The following MID1 variants were observed in gnomAD, a reference collection of about 807,000 sequenced individuals.
MID1 encodes the protein E3 ubiquitin-protein ligase Midline-1.
MID1 carries 7 observed loss-of-function variants against 40.4 expected under a neutral mutation model. The observed-to-expected ratio is 0.17, with a 90% CI of 0.10 to 0.33. The LOEUF is 0.33. MID1 is among the 10% of genes least tolerant of loss of function. The pLI is 1.00. For synonymous variants in MID1, 229 were observed against 221.2 expected (o/e 1.04, Z -0.31); for missense variants, 367 against 558.5 (o/e 0.66, Z 3.46).
chrX:10,805,403 T>C (rs2044037938), intron 1 of MID1, among the ~76,000 whole-genome samples: 1 of 108,108 alleles, frequency 9.3e-6, no homozygotes, highest in Admixed American at 1.0e-4. Context: ...CATGAACTCA[T>C]CCTTTTTTAT....
chrX:10,499,704 G>A (rs1931446086), intron 3 of MID1, among the ~76,000 whole-genome samples: 1 of 112,266 alleles, frequency 8.9e-6, no homozygotes, highest in South Asian at 3.7e-4. Flanking sequence ...TTTCACTGAA[G>A]TGTCTGAGAA....
chrX:10,678,675 G>C (rs1310924334), intron 1 of MID1, among the ~76,000 whole-genome samples: 1 of 111,812 alleles, frequency 8.9e-6, no homozygotes, highest in Non-Finnish European at 1.9e-5. Context: ...TTTAATGAAT[G>C]CCTAAACTTG....
At chrX:10,578,780 G>A (rs904094551) in intron 1 of MID1, among the ~76,000 whole-genome samples, 1 of 111,665 alleles carries the variant, frequency 9.0e-6, no homozygotes, top group Non-Finnish European at 1.9e-5. Context: ...AACCCTCCTG[G>A]TGAACAGACC....
intron 1 of MID1, among the ~76,000 whole-genome samples, chrX:10,753,324 T>G (rs1301483781): frequency 9.0e-6 from 1 of 111,208 alleles, no homozygotes; most frequent in East Asian, 2.8e-4. Flanking sequence ...TTATTCCATC[T>G]GCCTTAAATG....
chrX:10,755,181 A>C (rs1289250787), intron 1 of MID1, among the ~76,000 whole-genome samples: 1 of 112,307 alleles, frequency 8.9e-6, no homozygotes, highest in Non-Finnish European at 1.9e-5. Context: ...AAATAAGCAA[A>C]GTCCAAATTC....
intron 2 of MID1, among the ~76,000 whole-genome samples, chrX:10,560,676 A>G (rs903370881): frequency 9.0e-6 from 1 of 111,302 alleles, no homozygotes; most frequent in African/African-American, 3.3e-5. Context: ...GACGTGAAGG[A>G]CCTCTTCAAG....
chrX:10,777,834 C>G (rs115507554), intron 1 of MID1, among the ~76,000 whole-genome samples: 4,883 of 111,711 alleles, frequency 0.044, 235 homozygotes, highest in African/African-American at 0.15. Flanking sequence ...ACTTTTTTTG[C>G]TTAAAAATGA....
Position 10,765,926 on chromosome X carries a change from AG to A in MID1, c.-187+67627del, listed in dbSNP as rs781646097. 3.0e-3 allele frequency among the ~76,000 whole-genome samples: 270 copies of A among 90,575 alleles called. 3 individuals are homozygous for A. Among genetic ancestry groups the A allele is most frequent in the African/African-American group, 0.012 (241 of 20,136 alleles). 78.7% of individuals were successfully genotyped at this position (90,575 alleles called of 115,157 possible). ...GAAAGAAAAAGAAAGAAAGAAAGAA[AG>A]GAAAGGAAAGGAAAGGAAAGAAAGA... On this transcript the variant is annotated intron_variant, in intron 1 of 10. Transcript: ENST00000380785.
chrX:10,716,075 T>C, intron 1 of MID1, among the ~76,000 whole-genome samples: 1 of 111,156 alleles, frequency 9.0e-6, no homozygotes, highest in Middle Eastern at 4.6e-3. Flanking sequence ...CAAAGGTAGA[T>C]AAAACCACAA....
chrX:10,472,816 A>T (rs1029141619), intron 6 of MID1, among the ~76,000 whole-genome samples: 3 of 112,089 alleles, frequency 2.7e-5, no homozygotes, highest in Non-Finnish European at 5.6e-5. Context: ...AAGGCGGCAG[A>T]GGAGGAAAAA....
intron 1 of MID1, among the ~76,000 whole-genome samples, chrX:10,730,292 C>T (rs1057161236): frequency 7.3e-5 from 8 of 109,628 alleles, no homozygotes; most frequent in South Asian, 3.9e-4. Flanking sequence ...GTAAGTGTAT[C>T]GAAATAAAAA....
At chrX:10,541,257 G>A (rs748703947) in intron 2 of MID1, among the ~76,000 whole-genome samples, 1 of 112,081 alleles carries the variant, frequency 8.9e-6, no homozygotes, top group Non-Finnish European at 1.9e-5. Context: ...ATGTTAGCAG[G>A]TGAAATTAGC....
At chrX:10,691,257 G>C (rs1452566185) in intron 1 of MID1, among the ~76,000 whole-genome samples, 1 of 111,238 alleles carries the variant, frequency 9.0e-6, no homozygotes, top group African/African-American at 3.3e-5. Context: ...TTATTCATGG[G>C]CCAGGTGCAG....
chrX:10,654,906 T>C (rs1459682876), intron 1 of MID1, among the ~76,000 whole-genome samples: 1 of 112,502 alleles, frequency 8.9e-6, no homozygotes, highest in Admixed American at 9.4e-5. Flanking sequence ...GCCTGCTGTA[T>C]ACACTGGTCT....
chrX:10,606,006 C>A (rs980823403), intron 1 of MID1, among the ~76,000 whole-genome samples: 3 of 111,717 alleles, frequency 2.7e-5, no homozygotes, highest in African/African-American at 9.8e-5. Flanking sequence ...GCGTATTTTA[C>A]TGTCAGAGCC....
chrX:10,536,299 GAA>G (rs887790810), intron 2 of MID1, among the ~76,000 whole-genome samples: 3 of 107,137 alleles, frequency 2.8e-5, no homozygotes, highest in Non-Finnish European at 5.8e-5. Context: ...CTTGCCTGGG[GAA>G]AAAAAAAATA....
At chrX:10,701,267 G>C (rs936617394) in intron 1 of MID1, among the ~76,000 whole-genome samples, 4 of 111,771 alleles carry the variant, frequency 3.6e-5, no homozygotes, top group African/African-American at 1.3e-4. Context: ...GCATCTCAAG[G>C]CTGGTAAATA....
intron 1 of MID1, among the ~76,000 whole-genome samples, chrX:10,591,145 G>C (rs1569119787): frequency 8.9e-6 from 1 of 111,986 alleles, no homozygotes; most frequent in Non-Finnish European, 1.9e-5. Flanking sequence ...GAGCTTTCAA[G>C]GTGGCTAAGC....
chrX:10,813,901 A>G (rs745858962), intron 1 of MID1, among the ~76,000 whole-genome samples: 4 of 111,639 alleles, frequency 3.6e-5, no homozygotes, highest in African/African-American at 1.3e-4. Context: ...CAGGTAGTCA[A>G]TGTTTTCCGC....
Sources: gnomAD v4.1 joint callset for allele counts (sites outside exome capture counted in the v4.1 genomes callset) on GRCh38, gnomAD v4.1.1 for gene constraint, MANE v1.5 for transcripts, NCBI Gene and HGNC (gene_info 2026-07-23, HGNC 2026-07-21) for gene names.